The following SPIDR variants were observed in gnomAD, a reference collection of about 807,000 sequenced individuals.
The protein encoded by SPIDR is scaffold protein involved in DNA repair, also known as DNA repair-scaffolding protein.
SPIDR carries 93 observed loss-of-function variants against 104.6 expected under a neutral mutation model. The observed-to-expected ratio is 0.89, with a 90% confidence interval of 0.75 to 1.06. SPIDR has a LOEUF of 1.06. Ranked by LOEUF, SPIDR falls within the 50% of genes least tolerant of loss-of-function variation. SPIDR has a pLI of 0.00. For synonymous variants in SPIDR, 431 were observed against 416.9 expected (o/e 1.03, Z -0.41); for missense variants, 1,154 against 1,111.2 (o/e 1.04, Z -0.55).
intron 10 of SPIDR, among the ~76,000 whole-genome samples, chr8:47,642,775 GGTGC>G: frequency 6.6e-6 from 1 of 152,194 alleles, no homozygotes; most frequent in East Asian, 1.9e-4. Context: ...TGGGCATGAT[GGTGC>G]ACGCCTGTAG....
At chr8:47,415,804 A>C (rs72646321) in intron 7 of SPIDR, among the ~76,000 whole-genome samples, 15,314 of 152,218 alleles carry the variant, frequency 0.1, 1,126 homozygotes, top group African/African-American at 0.21. Context: ...AGATGGACTA[A>C]GATACTTGTT....
chr8:47,659,334 T>G (rs973285618), intron 10 of SPIDR, among the ~76,000 whole-genome samples: 1 of 152,224 alleles, frequency 6.6e-6, no homozygotes, highest in Non-Finnish European at 1.5e-5. Context: ...TTGTTATTCC[T>G]TTCGGTTCAT....
At position 47,565,993 on chromosome 8, in the gene SPIDR, T is replaced by TATATATATATATATATATATA. The variant is rs1491137131; in HGVS notation, c.1098-29818_1098-29817insATATATATATATATATATATA. 2.3e-3 allele frequency among the ~76,000 whole-genome samples: 67 copies of TATATATATATATATATATATA among 28,738 alleles called. 1 individual carries two copies. The highest frequency in any genetic ancestry group is 5.9e-3 in the Admixed American group (9 of 1,522). The allele number at this position is 28,738 out of a possible 152,430, so 18.9% of individuals were successfully genotyped here. Reference sequence around the variant, plus strand: ...ACTCATATATATATATATATATATATTTTTTTTTTTTTTTTTTTTTTTTTT... The same window carrying TATATATATATATATATATATA: ...ACTCATATATATATATATATATATATATATATATATATATATATATATTTTTTTTTTTTTTTTTTTTTTTTT... On this transcript the variant is annotated intron_variant, in intron 8 of 19. Coordinates refer to ENST00000297423, the MANE Select transcript of SPIDR (RefSeq NM_001080394.4).
intron 8 of SPIDR, among the ~76,000 whole-genome samples, chr8:47,513,513 C>T (rs1242728263): frequency 6.6e-6 from 1 of 152,206 alleles, no homozygotes; most frequent in Non-Finnish European, 1.5e-5. Flanking sequence ...GTTACATTAA[C>T]AACAGTTCTC....
intron 10 of SPIDR, among the ~76,000 whole-genome samples, chr8:47,657,867 A>C (rs1386062282): frequency 6.6e-6 from 1 of 151,660 alleles, no homozygotes; most frequent in Non-Finnish European, 1.5e-5. Context: ...CCATTTCTAC[A>C]AAAAATTTAA....
chr8:47,662,989 GACC>G (rs948445706), intron 10 of SPIDR, among the ~76,000 whole-genome samples: 2 of 152,178 alleles, frequency 1.3e-5, no homozygotes, highest in Non-Finnish European at 2.9e-5. Flanking sequence ...TATTGTTTAT[GACC>G]CACCCAGTCT....
At chr8:47,452,017 A>G (rs2071859807) in intron 8 of SPIDR, among the ~76,000 whole-genome samples, 1 of 152,130 alleles carries the variant, frequency 6.6e-6, no homozygotes, top group South Asian at 2.1e-4. Flanking sequence ...GAAGAATAAC[A>G]TAACTCCTCA....
intron 5 of SPIDR, among the ~76,000 whole-genome samples, chr8:47,357,161 G>A (rs1435163056): frequency 2.6e-5 from 4 of 152,200 alleles, no homozygotes; most frequent in Non-Finnish European, 2.9e-5. Context: ...AGGGGAAAGA[G>A]TGTGAATTTA....
chr8:47,287,870 G>A (rs2039163010), intron 3 of SPIDR, among the ~76,000 whole-genome samples: 1 of 152,106 alleles, frequency 6.6e-6, no homozygotes, highest in Non-Finnish European at 1.5e-5. Context: ...GAAGATAACA[G>A]GATTAAGAGA....
intron 5 of SPIDR, among the ~76,000 whole-genome samples, chr8:47,342,328 CTTTTTTTT>C (rs11357859): frequency 1.5e-5 from 1 of 68,916 alleles, no homozygotes; most frequent in Non-Finnish European, 2.8e-5. Flanking sequence ...TTTCAAAGGT[CTTTTTTTT>C]TTTTTTTTTT....
intron 4 of SPIDR, among the ~76,000 whole-genome samples, chr8:47,293,196 A>G (rs922841441): frequency 6.6e-6 from 1 of 151,270 alleles, no homozygotes; most frequent in African/African-American, 2.4e-5. Flanking sequence ...AGTGGATCAT[A>G]GCTCACCGCA....
At chr8:47,612,284 C>A (rs1482933881) in intron 10 of SPIDR, among the ~76,000 whole-genome samples, 1 of 152,152 alleles carries the variant, frequency 6.6e-6, no homozygotes, top group African/African-American at 2.4e-5. Flanking sequence ...CTCTGGAATC[C>A]CACAGACATT....
At chr8:47,417,447 A>G (rs1363399781) in intron 7 of SPIDR, among the ~76,000 whole-genome samples, 3 of 152,110 alleles carry the variant, frequency 2.0e-5, no homozygotes, top group Non-Finnish European at 4.4e-5. Flanking sequence ...GTCTGTTCAT[A>G]TCCTTTGCCC....
At chr8:47,687,564 A>G (rs1456443066) in intron 11 of SPIDR, among the ~76,000 whole-genome samples, 1 of 152,234 alleles carries the variant, frequency 6.6e-6, no homozygotes, top group Non-Finnish European at 1.5e-5. Context: ...TATAACAAGC[A>G]TATGAAAGAG....
At chr8:47,682,167 A>G (rs1279836955) in intron 11 of SPIDR, among the ~76,000 whole-genome samples, 3 of 151,996 alleles carry the variant, frequency 2.0e-5, no homozygotes, top group African/African-American at 7.2e-5. Flanking sequence ...AATGGGCCAT[A>G]AAAGAGGTTT....
chr8:47,734,934 GA>G (rs1196864418), intron 19 of SPIDR, among the ~76,000 whole-genome samples: 1 of 152,236 alleles, frequency 6.6e-6, no homozygotes, highest in Non-Finnish European at 1.5e-5. Context: ...AGTGTTGCTA[GA>G]TTGAGGAAGT....
chr8:47,389,154 A>G (rs1230367704), intron 5 of SPIDR, among the ~76,000 whole-genome samples: 4 of 152,222 alleles, frequency 2.6e-5, no homozygotes, highest in Admixed American at 2.6e-4. Flanking sequence ...TGACCATTGC[A>G]GATGTTTTAA....
At chr8:47,576,144 A>G (rs1366622986) in intron 8 of SPIDR, among the ~76,000 whole-genome samples, 1 of 150,894 alleles carries the variant, frequency 6.6e-6, no homozygotes, top group Non-Finnish European at 1.5e-5. Flanking sequence ...TTATTTATTT[A>G]TTTTTATTTT....
At chr8:47,702,280 G>T (rs2154484038) in intron 14 of SPIDR, among the ~76,000 whole-genome samples, 1 of 152,250 alleles carries the variant, frequency 6.6e-6, no homozygotes, top group South Asian at 2.1e-4. Flanking sequence ...CAGACTACCA[G>T]CCACTGTGCT....
Sources: allele counts gnomAD v4.1 joint callset (sites outside exome capture counted in the v4.1 genomes callset), GRCh38; gene constraint gnomAD v4.1.1; transcripts MANE v1.5; gene names NCBI Gene and HGNC (gene_info 2026-07-23, HGNC 2026-07-21).